The following DCC variants were observed in gnomAD, a reference collection of about 807,000 sequenced individuals.
The protein encoded by DCC is netrin receptor DCC.
In DCC, 58 loss-of-function variants were observed where a neutral mutation model predicts 172.5. That is an observed-to-expected ratio of 0.34 (90% CI 0.27 to 0.42). The LOEUF (loss-of-function observed/expected upper bound fraction) is 0.42, where lower values mean the gene tolerates loss of function less well. DCC is among the 10% of genes least tolerant of loss of function. The pLI, the probability that DCC is intolerant of heterozygous loss-of-function variation, is 1.00. For missense variants in DCC, 1,740 were observed against 1,791.0 expected (o/e 0.97, Z 0.51); for synonymous variants, 709 against 644.5 (o/e 1.10, Z -1.52).
intron 2 of DCC, among the ~76,000 whole-genome samples, chr18:52,787,544 C>CT (rs1268657768): frequency 6.6e-6 from 1 of 151,964 alleles, no homozygotes; most frequent in Non-Finnish European, 1.5e-5. Flanking sequence ...TGGAACATAT[C>CT]TTAGTATTAT....
chr18:53,454,667 T>G (rs1165321148), intron 23 of DCC, among the ~76,000 whole-genome samples: 1 of 152,216 alleles, frequency 6.6e-6, no homozygotes, highest in Admixed American at 6.5e-5. Context: ...ACTTGACATG[T>G]GGACAGCAAG....
chr18:52,929,863 C>T (rs1443541557), intron 5 of DCC, among the ~76,000 whole-genome samples: 1 of 132,616 alleles, frequency 7.5e-6, no homozygotes, highest in African/African-American at 2.6e-5. Context: ...CACACACACA[C>T]TCACGTTTGT....
intron 2 of DCC, among the ~76,000 whole-genome samples, chr18:52,842,286 G>A (rs1248672857): frequency 1.3e-5 from 2 of 152,086 alleles, no homozygotes; most frequent in African/African-American, 2.4e-5. Context: ...TTTACTATAA[G>A]GTATTGTTCA....
chr18:52,386,970 A>G (rs1418786572), intron 1 of DCC, among the ~76,000 whole-genome samples: 1 of 152,108 alleles, frequency 6.6e-6, no homozygotes, highest in Non-Finnish European at 1.5e-5. Context: ...AAAAGCCAGT[A>G]GTTTAACTCC....
At chr18:53,366,532 C>T (rs1054796452) in intron 15 of DCC, among the ~76,000 whole-genome samples, 11 of 152,142 alleles carry the variant, frequency 7.2e-5, no homozygotes, top group Non-Finnish European at 1.3e-4. Context: ...ACACTCATTT[C>T]TCCCTGGTGG....
At chr18:52,838,382 CAG>C (rs911149751) in intron 2 of DCC, among the ~76,000 whole-genome samples, 3 of 152,018 alleles carry the variant, frequency 2.0e-5, no homozygotes, top group African/African-American at 7.2e-5. Flanking sequence ...TGGTGACTAA[CAG>C]ATTTTTACAA....
chr18:52,734,930 C>T (rs2036702576), intron 1 of DCC, among the ~76,000 whole-genome samples: 1 of 152,064 alleles, frequency 6.6e-6, no homozygotes, highest in African/African-American at 2.4e-5. Flanking sequence ...TTCTGGGTGA[C>T]ATAAATGTTT....
chr18:52,570,116 T>C (rs2033258559), intron 1 of DCC, among the ~76,000 whole-genome samples: 1 of 152,180 alleles, frequency 6.6e-6, no homozygotes, highest in Non-Finnish European at 1.5e-5. Context: ...TAATGTTATT[T>C]ATTAAGCGCA....
intron 27 of DCC, chr18:53,505,458 A>ATTT (rs1264059588): frequency 6.6e-6 from 1 of 152,224 alleles, no homozygotes; most frequent in Admixed American, 6.5e-5. Context: ...AACAGCTAGT[A>ATTT]TTTTTCAGAA....
chr18:52,374,719 G>A (rs569981514), intron 1 of DCC, among the ~76,000 whole-genome samples: 130 of 152,220 alleles, frequency 8.5e-4, no homozygotes, highest in African/African-American at 3.1e-3. Context: ...ATAATAAATT[G>A]TCTTGATTGA....
intron 12 of DCC, among the ~76,000 whole-genome samples, chr18:53,236,047 C>T (rs1437762036): frequency 1.3e-5 from 2 of 152,036 alleles, no homozygotes; most frequent in Non-Finnish European, 2.9e-5. Flanking sequence ...AAACTGCTGC[C>T]ACACTGTTGG....
intron 25 of DCC, among the ~76,000 whole-genome samples, chr18:53,484,828 A>G (rs997577688): frequency 2.0e-5 from 3 of 151,476 alleles, no homozygotes; most frequent in Non-Finnish European, 2.9e-5. Context: ...GAAGAATGCC[A>G]TTAGAATTTT....
intron 12 of DCC, among the ~76,000 whole-genome samples, chr18:53,217,251 T>C (rs1174524598): frequency 6.9e-6 from 1 of 144,436 alleles, no homozygotes; most frequent in Non-Finnish European, 1.5e-5. Flanking sequence ...CAAAATTGAC[T>C]ATATATATTA....
chr18:52,796,817 T>A (rs1407579949), intron 2 of DCC, among the ~76,000 whole-genome samples: 1 of 152,182 alleles, frequency 6.6e-6, no homozygotes, highest in East Asian at 1.9e-4. Flanking sequence ...TGAACCTATT[T>A]GGGGATCTTT....
intron 1 of DCC, among the ~76,000 whole-genome samples, chr18:52,509,663 G>T (rs1202329705): frequency 6.6e-6 from 1 of 152,156 alleles, no homozygotes; most frequent in Non-Finnish European, 1.5e-5. Context: ...TGCACTGACT[G>T]TCACATCCTG....
intron 1 of DCC, among the ~76,000 whole-genome samples, chr18:52,434,739 T>A (rs564083656): frequency 1.3e-5 from 2 of 151,952 alleles, no homozygotes; most frequent in East Asian, 3.9e-4. Flanking sequence ...CACTATAAAT[T>A]TCTCTTCAAG....
In DCC at chr18:53,531,064, C is replaced by T; in HGVS notation, c.*411C>T. The stretch of plus-strand genomic sequence containing the variant: ...TATTTAAGCCTGTACCATGCCATGG[C>T]AAACCAGTGCAAGCTCACTATTTTG... On this transcript the variant is annotated 3_prime_UTR_variant, in exon 29 of 29. Coordinates refer to ENST00000442544, the MANE Select transcript of DCC (RefSeq NM_005215.4). 4.0e-6 allele frequency: 1 copy of T among 249,126 alleles called. No individual in the cohort carries two copies. Among genetic ancestry groups the T allele is most frequent in the Non-Finnish European group, 8.0e-6 (1 of 125,464 alleles). 15.4% of individuals were successfully genotyped at this position (249,126 alleles called of 1,614,324 possible). A position where few individuals can be genotyped will look rare whatever the true frequency, so the allele number is the denominator to read the frequency against.
rs980205705 is a variant in DCC at position 53,492,424 on chromosome 18, T to C, written c.3898+5466T>C. ...GTATTGCCTAGGTTTTCTTCTAGGG[T>C]TTTTATGGTTTTAGGTCTTATGTTT... On this transcript the variant is annotated intron_variant, in intron 26 of 28. Coordinates refer to ENST00000442544, the MANE Select transcript of DCC (RefSeq NM_005215.4). 3.3e-5 allele frequency among the ~76,000 whole-genome samples: 5 copies of C among 152,290 alleles called. No homozygotes were observed. In the South Asian group the frequency reaches 1.0e-3, roughly 32 times the overall value.
At chr18:53,279,039 G>C (rs1415127057) in intron 12 of DCC, among the ~76,000 whole-genome samples, 1 of 152,170 alleles carries the variant, frequency 6.6e-6, no homozygotes, top group Non-Finnish European at 1.5e-5. Context: ...CAGCGTAAAA[G>C]TGTTCCTATT....
Sources: gnomAD v4.1 joint callset for allele counts (sites outside exome capture counted in the v4.1 genomes callset) on GRCh38, gnomAD v4.1.1 for gene constraint, MANE v1.5 for transcripts, NCBI Gene and HGNC (gene_info 2026-07-23, HGNC 2026-07-21) for gene names.